The following G2E3 variants were observed in gnomAD, a reference collection of about 807,000 sequenced individuals.
The protein encoded by G2E3 is G2/M phase-specific E3 ubiquitin-protein ligase.
A neutral mutation model predicts 92.8 loss-of-function variants in G2E3; 35 were observed. The observed-to-expected ratio is 0.38, with a 90% CI of 0.29 to 0.50. The LOEUF (loss-of-function observed/expected upper bound fraction) is 0.50. Ranked by LOEUF, G2E3 falls within the 20% of genes least tolerant of loss-of-function variation. G2E3 has a pLI of 0.94. For missense variants in G2E3, 554 were observed against 823.8 expected (o/e 0.67, Z 4.01); for synonymous variants, 242 against 272.4 (o/e 0.89, Z 1.10).
intron 5 of G2E3, among the ~76,000 whole-genome samples, chr14:30,593,013 A>G (rs551301768): frequency 6.6e-6 from 1 of 152,282 alleles, no homozygotes; most frequent in South Asian, 2.1e-4. Flanking sequence ...ATCATGTAAG[A>G]AAACTACAGT....
intron 3 of G2E3, among the ~76,000 whole-genome samples, chr14:30,589,030 TTTG>T (rs1880865988): frequency 2.0e-5 from 3 of 152,084 alleles, no homozygotes; most frequent in African/African-American, 4.8e-5. Flanking sequence ...ACCACTCCTT[TTTG>T]TTAAGCTTAA....
chr14:30,613,458 G>A (rs1882183738), intron 13 of G2E3, among the ~76,000 whole-genome samples: 1 of 152,124 alleles, frequency 6.6e-6, no homozygotes, highest in Non-Finnish European at 1.5e-5. Context: ...TTCTTTCGAT[G>A]TGAGCCTTAA....
chr14:30,612,066 T>G (rs1260217578), intron 12 of G2E3, 141 bp from the exon 13 acceptor site: 4 of 598,934 alleles, frequency 6.7e-6, no homozygotes, highest in Non-Finnish European at 1.2e-5. Flanking sequence ...ACATTTATTC[T>G]AGAAGAATAT....
At chr14:30,587,259 A>G (rs1002906563) in intron 3 of G2E3, among the ~76,000 whole-genome samples, 1 of 152,144 alleles carries the variant, frequency 6.6e-6, no homozygotes, top group Non-Finnish European at 1.5e-5. Context: ...ATATTTTTGG[A>G]AAAGGAAACC....
chr14:30,563,587 T>C (rs1365268942), intron 1 of G2E3, among the ~76,000 whole-genome samples: 2 of 150,338 alleles, frequency 1.3e-5, no homozygotes, highest in Non-Finnish European at 3.0e-5. Context: ...AATGGACATA[T>C]GGAGCCAATG....
intron 2 of G2E3, among the ~76,000 whole-genome samples, chr14:30,584,244 G>A (rs1488264841): frequency 6.6e-6 from 1 of 152,126 alleles, no homozygotes; most frequent in Non-Finnish European, 1.5e-5. Flanking sequence ...TCCATCATAT[G>A]GGCATACCAT....
chr14:30,561,413 C>G (rs1370191533), intron 1 of G2E3, among the ~76,000 whole-genome samples: 1 of 152,172 alleles, frequency 6.6e-6, no homozygotes, highest in Non-Finnish European at 1.5e-5. Context: ...TTCTCATTGT[C>G]TACCATATAT....
Position 30,619,847 on chromosome 14 carries a change from C to T in G2E3, c.*3313C>T, listed in dbSNP as rs1283185407. On this transcript the variant is annotated 3_prime_UTR_variant, in exon 15 of 15. Transcript: ENST00000206595. ...TGTTTATGCCACTAAAGGTAAACTG[C>T]CTATTTAAACTAAGTAATTTTTTGG... is the stretch of plus-strand genomic sequence containing the variant. 2 of 152,034 alleles carry T rather than the reference C, an allele frequency of 1.3e-5. No homozygotes were observed. The highest frequency in any genetic ancestry group is 2.9e-5 in the Non-Finnish European group (2 of 67,982). The allele number at this position is 152,034 out of a possible 1,614,324, so 9.4% of individuals were successfully genotyped here. A position where few individuals can be genotyped will look rare whatever the true frequency, so the allele number is the denominator to read the frequency against.
intron 1 of G2E3, chr14:30,560,567 AC>A: frequency 2.0e-6 from 1 of 504,292 alleles, no homozygotes; most frequent in Non-Finnish European, 3.5e-6. Flanking sequence ...CATTGGCTAT[AC>A]TTCTCTAAGC....
At position 30,595,061 on chromosome 14, in the gene G2E3, C is replaced by T. The variant is rs186834441; in HGVS notation, c.528+1422C>T. 7.9e-5 allele frequency among the ~76,000 whole-genome samples: 12 copies of T among 152,114 alleles called. No homozygotes were observed. The East Asian group carries it at 2.3e-3, about 29-fold the overall frequency. On this transcript the variant is annotated intron_variant, in intron 6 of 14. Coordinates refer to ENST00000206595, the MANE Select transcript of G2E3 (RefSeq NM_017769.5). ...GCGGAGGCAGGAGAATCGCTTGAAC[C>T]CGGGAGGTAGAGGTTGCGGTATGCT...
intron 1 of G2E3, chr14:30,560,899 T>A: frequency 1.5e-6 from 1 of 676,426 alleles, no homozygotes; most frequent in Non-Finnish European, 2.7e-6. Flanking sequence ...AGAAAGGCAT[T>A]ATAATGTGTT....
chr14:30,576,993 G>A (rs750747087), intron 1 of G2E3, among the ~76,000 whole-genome samples: 21 of 152,128 alleles, frequency 1.4e-4, no homozygotes, highest in Non-Finnish European at 2.2e-4. Flanking sequence ...TTGGGAGGCA[G>A]AGGCAGGCGG....
chr14:30,596,090 CTGT>C (rs201121201), intron 6 of G2E3, among the ~76,000 whole-genome samples: 5,009 of 112,828 alleles, frequency 0.044, 295 homozygotes, highest in African/African-American at 0.15. Flanking sequence ...TTTCAATAAC[CTGT>C]TGTTTCCCTC....
chr14:30,591,435 A>G (rs1220072725), intron 4 of G2E3, among the ~76,000 whole-genome samples: 3 of 152,198 alleles, frequency 2.0e-5, no homozygotes, highest in African/African-American at 4.8e-5. Context: ...TAGGGCTGCC[A>G]TAGCAAATTG....
chr14:30,589,546 T>C, intron 4 of G2E3, 62 bp downstream of exon 4: 1 of 819,498 alleles, frequency 1.2e-6, no homozygotes, highest in Non-Finnish European at 2.0e-6. Flanking sequence ...GGGAAGTCTT[T>C]TCTATCAGTT....
chr14:30,576,510 A>G (rs1880101606), intron 1 of G2E3, among the ~76,000 whole-genome samples: 1 of 152,242 alleles, frequency 6.6e-6, no homozygotes, highest in Admixed American at 6.5e-5. Flanking sequence ...AAAAGCAAAA[A>G]TTGACAAGTG....
At chr14:30,585,626 T>C (rs1203050888) in intron 2 of G2E3, among the ~76,000 whole-genome samples, 3 of 152,028 alleles carry the variant, frequency 2.0e-5, no homozygotes, top group Middle Eastern at 3.4e-3. Flanking sequence ...TTATCAGTTT[T>C]GTTGATCTTT....
chr14:30,591,596 C>G lies in G2E3; in HGVS notation c.238-727C>G, dbSNP rs993245996. ...TGGCTGCTGGCAACCTTTGGAGTAC[C>G]TTGGCTTGTGGCAGCATAACTCCAA... On this transcript the variant is annotated intron_variant, in intron 4 of 14. Coordinates refer to ENST00000206595, the MANE Select transcript of G2E3 (RefSeq NM_017769.5). 3.3e-5 allele frequency among the ~76,000 whole-genome samples: 5 copies of G among 152,238 alleles called. No homozygotes were observed. The South Asian group carries it at 6.2e-4, about 19-fold the overall frequency.
At position 30,618,225 on chromosome 14, in the gene G2E3, T is replaced by C. The variant is rs2138930473; in HGVS notation, c.*1691T>C. On this transcript the variant is annotated 3_prime_UTR_variant, in exon 15 of 15. Coordinates refer to ENST00000206595, the MANE Select transcript of G2E3 (RefSeq NM_017769.5). ...ATATTTAAGAACATTAAACAAGACA[T>C]TTCTTTGGCTTTGGTTGAATTTTTT... 6.6e-6 allele frequency: 1 copy of C among 152,234 alleles called. No homozygotes were observed. Among genetic ancestry groups the C allele is most frequent in the Admixed American group, 6.5e-5 (1 of 15,290 alleles). 9.4% of individuals were successfully genotyped at this position (152,234 alleles called of 1,614,324 possible).
Sources: gnomAD v4.1 joint callset for allele counts (sites outside exome capture counted in the v4.1 genomes callset) on GRCh38, gnomAD v4.1.1 for gene constraint, MANE v1.5 for transcripts, NCBI Gene and HGNC (gene_info 2026-07-23, HGNC 2026-07-21) for gene names.